The following RPS24 variants were observed in gnomAD, a reference collection of about 807,000 sequenced individuals.
RPS24 encodes ribosomal protein S24.
For synonymous variants in RPS24, 72 were observed against 55.6 expected (o/e 1.30, Z -1.31); for missense variants, 100 against 162.5 (o/e 0.62, Z 2.09).
At chr10:78,053,955 G>C (rs1307845523) in intron 4 of RPS24, among the ~76,000 whole-genome samples, 1 of 152,116 alleles carries the variant, frequency 6.6e-6, no homozygotes, top group Non-Finnish European at 1.5e-5. Flanking sequence ...TGGCTTCCTG[G>C]GGAAGGGGGA....
chr10:78,038,076 A>G, intron 4 of RPS24: 1 of 745,180 alleles, frequency 1.3e-6, no homozygotes, highest in Non-Finnish European at 2.0e-6. Flanking sequence ...CGACAGTTTT[A>G]TAGTATGGTC....
chr10:78,043,242 A>G (rs1848006047), downstream of RPS24, among the ~76,000 whole-genome samples: 1 of 152,090 alleles, frequency 6.6e-6, no homozygotes, highest in Non-Finnish European at 1.5e-5. Flanking sequence ...TGACCTTGTG[A>G]TCCGCCTGCC....
At chr10:78,035,881 G>A (rs888342426) in intron 3 of RPS24, 161 bp downstream of exon 3, 1 of 679,924 alleles carries the variant, frequency 1.5e-6, no homozygotes, top group Admixed American at 2.4e-5. Flanking sequence ...GTGGAGTACG[G>A]GGGTTCAAAA....
At chr10:78,045,174 G>C (rs1192886250), downstream of RPS24, among the ~76,000 whole-genome samples, 2 of 152,118 alleles carry the variant, frequency 1.3e-5, no homozygotes, top group Non-Finnish European at 2.9e-5. Flanking sequence ...TTGTAGTAGA[G>C]ACGGAGTTTT....
At chr10:78,040,100 T>G in intron 4 of RPS24, 104 bp from the exon 5 acceptor site, 3 of 1,029,974 alleles carry the variant, frequency 2.9e-6, no homozygotes, top group Non-Finnish European at 4.6e-6. Flanking sequence ...GGTACCTGAT[T>G]GCATGCACTT....
chr10:78,033,943 TC>T, intron 1 of RPS24, 39 bp downstream of exon 1: 3 of 1,613,454 alleles, frequency 1.9e-6, no homozygotes, highest in Non-Finnish European at 2.5e-6. Context: ...CTGCCGCGTA[TC>T]CGAGCCATCC....
chr10:78,044,589 C>A (rs1345631444), downstream of RPS24, among the ~76,000 whole-genome samples: 3 of 151,830 alleles, frequency 2.0e-5, no homozygotes, highest in Non-Finnish European at 4.4e-5. Context: ...GAACACACCT[C>A]CATACATTAA....
At chr10:78,038,554 T>C (rs575103002) in intron 4 of RPS24, 2 of 151,184 alleles carry the variant, frequency 1.3e-5, no homozygotes, top group South Asian at 4.2e-4. Flanking sequence ...TTTTTTTTTT[T>C]AAAATAGAAA....
chr10:78,040,531 A>G lies in RPS24; in HGVS notation c.*20-84A>G, dbSNP rs1025268127. The G allele has an allele frequency of 1.8e-5, 17 of 956,894 alleles. No homozygotes were observed. The African/African-American group carries it at 2.6e-4, about 14-fold the overall frequency. The allele number at this position is 956,894 out of a possible 1,614,324, so 59.3% of individuals were successfully genotyped here. On this transcript the variant is annotated intron_variant, in intron 5 of 5. Coordinates refer to ENST00000372360, the MANE Select transcript of RPS24 (RefSeq NM_033022.4). Reference sequence around the variant, plus strand: ...TCTAGGTTACTAATAATTGTTGTGCATGAGTGTTACTACTTTTGGAATTGA... The same window carrying G: ...TCTAGGTTACTAATAATTGTTGTGCGTGAGTGTTACTACTTTTGGAATTGA...
intron 1 of RPS24, among the ~76,000 whole-genome samples, chr10:78,034,944 T>G (rs1847830042): frequency 6.6e-6 from 1 of 152,216 alleles, no homozygotes; most frequent in Non-Finnish European, 1.5e-5. Context: ...CATTTTTGAT[T>G]GTCACAACTG....
Position 78,035,612 on chromosome 10 carries a change from A to C in RPS24, c.171A>C (p.Val57=). The change falls in exon 3 of 6, where the codon GTA becomes GTC. Residue 57 remains valine (V), a synonymous_variant. Coordinates refer to ENST00000372360, the MANE Select transcript of RPS24 (RefSeq NM_033022.4). ...MYKTTPDVIF[V]FGFRTHFGGG... ...AGACCACACCGGATGTCATCTTTGTATTTGGATTCAGAACTCATTTTGGTG... is the reference window on the plus strand; with the variant it reads ...AGACCACACCGGATGTCATCTTTGTCTTTGGATTCAGAACTCATTTTGGTG... 1 of 1,612,692 alleles carries C rather than the reference A, an allele frequency of 6.2e-7. No individual in the cohort carries two copies. Among genetic ancestry groups the C allele is most frequent in the Non-Finnish European group, 8.5e-7 (1 of 1,180,012 alleles).
At chr10:78,044,186 G>T (rs2131988505), downstream of RPS24, among the ~76,000 whole-genome samples, 1 of 152,238 alleles carries the variant, frequency 6.6e-6, no homozygotes, top group East Asian at 1.9e-4. Flanking sequence ...CATGGATAAG[G>T]GAGGATTACT....
At chr10:78,048,561 G>A (rs1025900249) in intron 4 of RPS24, among the ~76,000 whole-genome samples, 1 of 152,136 alleles carries the variant, frequency 6.6e-6, no homozygotes, top group Non-Finnish European at 1.5e-5. Flanking sequence ...CACCGTCGAT[G>A]ATGATATTCA....
At chr10:78,040,563 T>C (rs1847971020) in intron 5 of RPS24, 52 bp from the exon 6 acceptor site, 6 of 1,370,734 alleles carry the variant, frequency 4.4e-6, no homozygotes, top group Non-Finnish European at 5.2e-6. Flanking sequence ...TTGAAGACTT[T>C]AAAGAATTTT....
downstream of RPS24, among the ~76,000 whole-genome samples, chr10:78,045,205 C>G (rs1234139804): frequency 3.3e-5 from 5 of 151,848 alleles, no homozygotes; most frequent in South Asian, 8.3e-4. Flanking sequence ...TCAGGCTGGT[C>G]TTGAACTCCT....
At chr10:78,039,558 A>C (rs1227519476) in intron 4 of RPS24, 2 of 152,808 alleles carry the variant, frequency 1.3e-5, no homozygotes, top group Non-Finnish European at 2.9e-5. Flanking sequence ...AGATGTTAGA[A>C]TTGGTATTTG....
At chr10:78,036,764 G>A (rs946750804) in intron 3 of RPS24, among the ~76,000 whole-genome samples, 2 of 152,210 alleles carry the variant, frequency 1.3e-5, no homozygotes, top group Admixed American at 1.3e-4. Context: ...GGTGGGCAGA[G>A]TGGAGATGAG....
chr10:78,039,136 C>G (rs922001951), intron 4 of RPS24: 5 of 152,186 alleles, frequency 3.3e-5, no homozygotes, highest in Non-Finnish European at 7.3e-5. Context: ...ATTGATGTCC[C>G]AGCGCCATGG....
At chr10:78,044,586 C>T (rs73300622), downstream of RPS24, among the ~76,000 whole-genome samples, 1,033 of 151,966 alleles carry the variant, frequency 6.8e-3, 7 homozygotes, top group African/African-American at 0.024. Context: ...TGTGAACACA[C>T]CTCCATACAT....
Sources: gnomAD v4.1 joint callset for allele counts (sites outside exome capture counted in the v4.1 genomes callset) on GRCh38, gnomAD v4.1.1 for gene constraint, MANE v1.5 for transcripts, NCBI Gene and HGNC (gene_info 2026-07-23, HGNC 2026-07-21) for gene names.